The following ARHGEF12 variants were observed in gnomAD, a reference collection of about 807,000 sequenced individuals.
ARHGEF12 encodes the protein Rho guanine nucleotide exchange factor 12.
ARHGEF12 carries 66 observed loss-of-function variants against 211.2 expected under a neutral mutation model. The observed-to-expected ratio is 0.31, with a 90% CI of 0.26 to 0.38. The LOEUF is 0.38. Ranked by LOEUF, ARHGEF12 falls within the 10% of genes least tolerant of loss-of-function variation. ARHGEF12 has a pLI of 1.00. For synonymous variants in ARHGEF12, 592 were observed against 638.4 expected, an observed-to-expected ratio of 0.93 and a Z score of 1.09; for missense variants, 1,429 against 1,869.5, an observed-to-expected ratio of 0.76 and a Z score of 4.34.
At chr11:120,469,473 A>AC in intron 30 of ARHGEF12, 85 bp downstream of exon 30, 18 of 1,108,758 alleles carry the variant, frequency 1.6e-5, no homozygotes, top group Non-Finnish European at 2.2e-5. Context: ...ATAGTTGTTA[A>AC]AACTATCATT....
intron 22 of ARHGEF12, among the ~76,000 whole-genome samples, chr11:120,451,951 C>T (rs971863195): frequency 1.3e-5 from 2 of 152,110 alleles, no homozygotes; most frequent in Non-Finnish European, 2.9e-5. Flanking sequence ...AGCTTTGTCC[C>T]GGATGTTAAC....
At position 120,487,225 on chromosome 11, in the gene ARHGEF12, TAGTTCAGCC is replaced by T. The variant is rs1947420360; in HGVS notation, c.*2152_*2160del. On this transcript the variant is annotated 3_prime_UTR_variant, in exon 41 of 41. Transcript: ENST00000397843. ...TAGGTTAGCAAAATTTCAGTTTCTC[TAGTTCAGCC>T]AGTGTCTTGTCCTTAGTAATTATTT... The T allele has an allele frequency of 4.6e-6, 1 of 218,374 alleles. No homozygotes were observed. The highest frequency in any genetic ancestry group is 9.2e-6 in the Non-Finnish European group (1 of 108,792). The allele number at this position is 218,374 out of a possible 1,614,324, so 13.5% of individuals were successfully genotyped here.
At chr11:120,376,275 G>A (rs1199805326) in intron 1 of ARHGEF12, among the ~76,000 whole-genome samples, 1 of 151,686 alleles carries the variant, frequency 6.6e-6, no homozygotes, top group Non-Finnish European at 1.5e-5. Context: ...TTTTTTAAAT[G>A]TTCAGATTGT....
chr11:120,417,506 T>A (rs1385404152), intron 4 of ARHGEF12, among the ~76,000 whole-genome samples: 1 of 86,964 alleles, frequency 1.1e-5, no homozygotes, highest in Non-Finnish European at 2.2e-5. Flanking sequence ...AGTCTAATAA[T>A]TTTTTTTTTT....
intron 16 of ARHGEF12, 87 bp downstream of exon 16, chr11:120,445,551 G>C: frequency 7.8e-7 from 1 of 1,279,388 alleles, no homozygotes; most frequent in Non-Finnish European, 1.1e-6. Flanking sequence ...TCTGTCACAT[G>C]GTGACTAGTC....
In ARHGEF12 at chr11:120,451,462, C is replaced by CCA. The variant is rs763784644; in HGVS notation, c.1844-48_1844-47dup. The CCA allele has an allele frequency of 8.9e-6, 14 of 1,577,552 alleles. No homozygotes were observed. The African/African-American group carries it at 1.9e-4, about 21-fold the overall frequency. On this transcript the variant is annotated intron_variant, in intron 21 of 40. Transcript: ENST00000397843. ...AAAGTGTTGGGATTATAGGCTTGAG[C>CCA]CACCGCACCCAGCCGCAATACAGAT...
chr11:120,382,976 A>G (rs1442935325), intron 1 of ARHGEF12, among the ~76,000 whole-genome samples: 1 of 152,110 alleles, frequency 6.6e-6, no homozygotes, highest in Non-Finnish European at 1.5e-5. Context: ...CATTTCTACT[A>G]AAAATACAAA....
chr11:120,339,602 A>T (rs1039513965), intron 1 of ARHGEF12, among the ~76,000 whole-genome samples: 7 of 152,162 alleles, frequency 4.6e-5, no homozygotes, highest in African/African-American at 1.7e-4. Context: ...GTGCAGAACC[A>T]CCAGGCCAGC....
intron 1 of ARHGEF12, among the ~76,000 whole-genome samples, chr11:120,399,333 A>AAAAAAAAAAAAAAAAAAAAAAAAG (rs1944485652): frequency 7.1e-6 from 1 of 140,338 alleles, no homozygotes; most frequent in Non-Finnish European, 1.5e-5. Context: ...AAAAAAAAAA[A>AAAAAAAAAAAAAAAAAAAAAAAAG]AAAAAAAAAA....
In ARHGEF12 at chr11:120,361,634, G is replaced by C. The variant is rs116779579; in HGVS notation, c.32+24359G>C. On this transcript the variant is annotated intron_variant, in intron 1 of 40. Coordinates refer to ENST00000397843, the MANE Select transcript of ARHGEF12 (RefSeq NM_015313.3). ...ATTTCAAGCATCTTTTACAATTTTC[G>C]AAATATTTCCAGTGAGTTTTTCAGA... is the stretch of plus-strand genomic sequence containing the variant. Among the ~76,000 whole-genome samples the C allele has an allele frequency of 6.1e-3, 930 of 152,170 alleles. 9 individuals carry two copies. Among genetic ancestry groups the C allele is most frequent in the African/African-American group, 0.022 (907 of 41,518 alleles).
intron 1 of ARHGEF12, among the ~76,000 whole-genome samples, chr11:120,345,590 C>A (rs565574840): frequency 1.0e-4 from 15 of 150,132 alleles, no homozygotes; most frequent in African/African-American, 3.7e-4. Context: ...GTAGTCCCAG[C>A]TGCTGGGGAG....
At chr11:120,387,050 A>T (rs965477703) in intron 1 of ARHGEF12, among the ~76,000 whole-genome samples, 1 of 152,064 alleles carries the variant, frequency 6.6e-6, no homozygotes, top group Non-Finnish European at 1.5e-5. Context: ...GAACTGAGTG[A>T]TTGAGCAAAT....
intron 4 of ARHGEF12, chr11:120,410,032 T>C (rs1944833943): frequency 6.6e-6 from 1 of 152,252 alleles, no homozygotes; most frequent in African/African-American, 2.4e-5. Context: ...TTTGTGCCTT[T>C]GAGAAGTTTC....
intron 1 of ARHGEF12, among the ~76,000 whole-genome samples, chr11:120,403,081 A>G (rs1944588551): frequency 6.6e-6 from 1 of 152,204 alleles, no homozygotes; most frequent in Non-Finnish European, 1.5e-5. Flanking sequence ...AGGGCCACCT[A>G]GGGCTTTAAA....
Position 120,480,354 on chromosome 11 carries a change from A to G in ARHGEF12, c.4161A>G (p.Ala1387=). The G allele has an allele frequency of 6.2e-7, 1 of 1,614,254 alleles. No individual in the cohort carries two copies. The highest frequency in any genetic ancestry group is 8.5e-7 in the Non-Finnish European group (1 of 1,180,042). The change falls in exon 38 of 41, where the codon GCA becomes GCG. Residue 1387 remains alanine, a synonymous_variant. Transcript: ENST00000397843. Reference sequence around the variant, plus strand: ...AGCACTTTTTTGATGCCCGTGAAGCACATAGTGATGAGAATCCATCAGAAG... The same window carrying G: ...AGCACTTTTTTGATGCCCGTGAAGCGCATAGTGATGAGAATCCATCAGAAG... The part of the protein sequence containing the change: ...SGEHFFDARE[A]HSDENPSEGD...
At chr11:120,362,675 A>T (rs1367647593) in intron 1 of ARHGEF12, among the ~76,000 whole-genome samples, 1 of 152,234 alleles carries the variant, frequency 6.6e-6, no homozygotes, top group Non-Finnish European at 1.5e-5. Context: ...TTTGGAAAGT[A>T]TCTTCTAGAT....
chr11:120,437,497 A>G (rs1247044284), intron 12 of ARHGEF12, 115 bp downstream of exon 12: 7 of 582,142 alleles, frequency 1.2e-5, no homozygotes. Flanking sequence ...TGGAAAAAAA[A>G]TTAAAATTTA....
chr11:120,418,333 A>G (rs1945088751), intron 4 of ARHGEF12, among the ~76,000 whole-genome samples: 1 of 152,108 alleles, frequency 6.6e-6, no homozygotes, highest in Non-Finnish European at 1.5e-5. Flanking sequence ...TTTCTTACAT[A>G]CTGGTTTCTT....
chr11:120,441,394 C>T (rs554491652), intron 13 of ARHGEF12, among the ~76,000 whole-genome samples: 113 of 152,270 alleles, frequency 7.4e-4, no homozygotes, highest in African/African-American at 2.7e-3. Flanking sequence ...AAGCCTTCCA[C>T]TGCATTTCTA....
Sources: gnomAD v4.1 joint callset for allele counts (sites outside exome capture counted in the v4.1 genomes callset) on GRCh38, gnomAD v4.1.1 for gene constraint, MANE v1.5 for transcripts, NCBI Gene and HGNC (gene_info 2026-07-23, HGNC 2026-07-21) for gene names.